The following DHX37 variants were observed in gnomAD, a reference collection of about 807,000 sequenced individuals.
DHX37 encodes DEAH-box helicase 37, also known as probable ATP-dependent RNA helicase DHX37.
DHX37 carries 52 observed loss-of-function variants against 134.3 expected under a neutral mutation model. The observed-to-expected ratio is 0.39, with a 90% CI of 0.31 to 0.49. The LOEUF is 0.49. Ranked by LOEUF, DHX37 falls within the 20% of genes least tolerant of loss-of-function variation. The pLI is 0.93. For missense variants in DHX37, 1,344 were observed against 1,580.8 expected (o/e 0.85, Z 2.54); for synonymous variants, 634 against 670.7 (o/e 0.95, Z 0.85).
chr12:124,979,763 A>T (rs1419121038), intron 4 of DHX37, among the ~76,000 whole-genome samples: 1 of 152,168 alleles, frequency 6.6e-6, no homozygotes, highest in Non-Finnish European at 1.5e-5. Context: ...GCAGAACCCC[A>T]CACCCTCCTT....
At chr12:124,968,744 T>C in intron 9 of DHX37, 96 bp from the exon 10 acceptor site, 5 of 1,601,696 alleles carry the variant, frequency 3.1e-6, no homozygotes, top group Non-Finnish European at 3.4e-6. Flanking sequence ...TCAAGGTTTC[T>C]AACACCCCCT....
chr12:124,964,910 C>T lies in DHX37; in HGVS notation c.1812+20G>A, dbSNP rs781435468. ...CCTTAAAAGTGCCCCAAAAGCTGGG[C>T]ACCGGCCCAGCACGGTTACCTGTGC... On this transcript the variant is annotated intron_variant, in intron 14 of 26. Transcript: ENST00000308736. The T allele has an allele frequency of 1.3e-6, 2 of 1,575,440 alleles. No individual in the cohort carries two copies. Among genetic ancestry groups the T allele is most frequent in the Non-Finnish European group, 8.6e-7 (1 of 1,160,818 alleles).
Position 124,957,034 on chromosome 12 carries a change from T to G in DHX37, c.2259A>C (p.Ala753=). The part of the protein sequence containing the change: ...ALGALQPPQK[A]ERVKQLQENR... The stretch of plus-strand genomic sequence containing the variant: ...TCTGCATCTCTTGGCCTTACCTTTC[T>G]GCTTTCTGGGGCGGTTGCAGGGCAC... The change falls in exon 17 of 27, where the codon GCA becomes GCC. Residue 753 remains alanine (A), a synonymous_variant. Transcript: ENST00000308736. 2 of 1,515,478 alleles carry G rather than the reference T, an allele frequency of 1.3e-6. No homozygotes were observed. The highest frequency in any genetic ancestry group is 1.8e-6 in the Non-Finnish European group (2 of 1,135,510). 93.9% of individuals were successfully genotyped at this position (1,515,478 alleles called of 1,614,324 possible).
rs1320673240 is a variant in DHX37, at chr12:124,947,838, A to G, written c.3438T>C (p.Asp1146=). The G allele has an allele frequency of 2.5e-6, 4 of 1,604,334 alleles. No homozygotes were observed. Among genetic ancestry groups the G allele is most frequent in the East Asian group, 2.2e-5 (1 of 44,788 alleles). The change falls in exon 27 of 27, where the codon GAT becomes GAC. Residue 1146 remains aspartate, a synonymous_variant. Coordinates refer to ENST00000308736, the MANE Select transcript of DHX37 (RefSeq NM_032656.4). ...CEWLPQAMHP[D]IEKAWPPTTV... is the part of the protein sequence containing the mutation. ...TGGTGGGGGGCCAGGCTTTCTCGAT[A>G]TCGGGGTGCATGGCCTGTGGAAGCC...
At position 124,949,153 on chromosome 12, in the gene DHX37, G is replaced by A. The variant is rs374843815; in HGVS notation, c.3290+833C>T. Among the ~76,000 whole-genome samples the A allele has an allele frequency of 7.2e-5, 11 of 152,202 alleles. No individual in the cohort carries two copies. The highest frequency in any genetic ancestry group is 1.5e-4 in the Non-Finnish European group (10 of 68,046). On this transcript the variant is annotated intron_variant, in intron 25 of 26. Transcript: ENST00000308736. The surrounding 1 kb of genome is among the most constrained non-coding windows in gnomAD (Gnocchi z 4.0). ...GCAACGCTGCTGTGGGACAGAGATCGTGTCTGTATCCCAGCCCCGAGAACA... is the reference window on the plus strand; with the variant it reads ...GCAACGCTGCTGTGGGACAGAGATCATGTCTGTATCCCAGCCCCGAGAACA...
At chr12:124,967,279 A>C (rs1334956587) in intron 10 of DHX37, 61 bp from the exon 11 acceptor site, 2 of 1,557,956 alleles carry the variant, frequency 1.3e-6, no homozygotes, top group Admixed American at 3.7e-5. Flanking sequence ...TGCTTAGCAA[A>C]AGCACCTGCC....
chr12:124,954,003 A>G lies in DHX37; in HGVS notation c.2579-7T>C, dbSNP rs4606565. ...TCACAGGCTCCCACGGCGCCTGGGG[A>G]ACGAAGAGGGGGCATGCTCTCTCTC... On this transcript the variant is annotated splice_region_variant and splice_polypyrimidine_tract_variant and intron_variant, in intron 19 of 26. Transcript: ENST00000308736. The G allele has an allele frequency of 0.6, 975,160 of 1,613,218 alleles. 299,320 individuals carry two copies. The highest frequency in any genetic ancestry group is 0.83 in the East Asian group (37,302 of 44,840).
At chr12:124,975,816 A>C (rs908759289) in intron 5 of DHX37, among the ~76,000 whole-genome samples, 9 of 152,178 alleles carry the variant, frequency 5.9e-5, no homozygotes, top group Non-Finnish European at 1.2e-4. Flanking sequence ...CAGACACAGG[A>C]ACCCGCCAAG....
chr12:124,985,295 A>G (rs1954844051), intron 2 of DHX37, among the ~76,000 whole-genome samples: 1 of 152,190 alleles, frequency 6.6e-6, no homozygotes, highest in African/African-American at 2.4e-5. Flanking sequence ...CAGTGGAGAT[A>G]ATCCAAGATT....
At chr12:124,987,250 C>T (rs930971792) in intron 1 of DHX37, among the ~76,000 whole-genome samples, 18 of 152,078 alleles carry the variant, frequency 1.2e-4, no homozygotes, top group African/African-American at 4.1e-4. Flanking sequence ...GGCTGAGGCA[C>T]GAGAACTGCT....
intron 12 of DHX37, among the ~76,000 whole-genome samples, chr12:124,966,321 G>T (rs1954386615): frequency 6.6e-6 from 1 of 152,184 alleles, no homozygotes; most frequent in Non-Finnish European, 1.5e-5. Context: ...ACCTGCCTCA[G>T]TCTCCCAAAG....
In DHX37 at chr12:124,950,231, C is replaced by T; in HGVS notation, c.3134G>A (p.Trp1045Ter). Residue 1045 changes from tryptophan (W) to a stop codon, truncating the protein, a stop_gained, in exon 24 of 27, where the codon TGG becomes TAG. Coordinates refer to ENST00000308736, the MANE Select transcript of DHX37 (RefSeq NM_032656.4). LOFTEE classifies it high-confidence loss of function. The part of the protein sequence containing the change: ...HRASVFYRVG[W>*]PLPAIEVDFP... ...ATCCACCTCGATGGCGGGGAGCGGCCAGCCCACGCGATCTAGAAGGTGGGA... is the reference window on the plus strand; with the variant it reads ...ATCCACCTCGATGGCGGGGAGCGGCTAGCCCACGCGATCTAGAAGGTGGGA... 6.2e-7 allele frequency: 1 copy of T among 1,613,738 alleles called. No homozygotes were observed. Among genetic ancestry groups the T allele is most frequent in the Non-Finnish European group, 8.5e-7 (1 of 1,180,026 alleles).
chr12:124,957,173 G>A, intron 16 of DHX37, 38 bp from the exon 17 acceptor site: 1 of 1,464,002 alleles, frequency 6.8e-7, no homozygotes, highest in Middle Eastern at 1.8e-4. Context: ...CAGGGTGAAT[G>A]CCAAGAACAA....
rs199731932 is a variant in DHX37 at position 124,954,174 on chromosome 12, T to C, written c.2491A>G (p.Ser831Gly). Residue 831 changes from serine to glycine, a missense_variant, in exon 19 of 27, where the codon AGC becomes GGC. Around this residue, in one of 7 missense-constraint regions of DHX37, gnomAD observed 558 missense variants for 650.0 expected, o/e 0.86. Coordinates refer to ENST00000308736, the MANE Select transcript of DHX37 (RefSeq NM_032656.4). The part of the protein sequence containing the change: ...ASDEELTRLK[S>G]KRARVAQMKR... Reference sequence around the variant, plus strand: ...ATCTGGGCCACCCGGGCCCGCTTGCTCTTCAGCCTGGTGAGCTCCTCGTCA... The same window carrying C: ...ATCTGGGCCACCCGGGCCCGCTTGCCCTTCAGCCTGGTGAGCTCCTCGTCA... The C allele has an allele frequency of 1.2e-6, 2 of 1,611,270 alleles. No individual in the cohort carries two copies. Among genetic ancestry groups the C allele is most frequent in the East Asian group, 2.2e-5 (1 of 44,856 alleles).
chr12:124,964,751 T>G (rs913077565), intron 14 of DHX37, 125 bp from the exon 15 acceptor site: 10 of 1,495,554 alleles, frequency 6.7e-6, no homozygotes, highest in African/African-American at 2.8e-5. Flanking sequence ...AGCCATCCCA[T>G]CTGGGGCCCA....
intron 14 of DHX37, 82 bp from the exon 15 acceptor site, chr12:124,964,708 C>A: frequency 2.6e-6 from 4 of 1,565,386 alleles, no homozygotes; most frequent in South Asian, 2.3e-5. Context: ...ACAAAGCCAG[C>A]CAGGCTGGTG....
rs568796262 is a variant in DHX37, at chr12:124,968,807, C to G, written c.1293+60G>C. On this transcript the variant is annotated intron_variant, in intron 9 of 26. Transcript: ENST00000308736. ...CCAAGTGAGGTCTCTCAGGGGGCTC[C>G]CGACACCAGGGCGTCCTTGTGCCAT... The G allele has an allele frequency of 1.4e-5, 22 of 1,606,006 alleles. No individual in the cohort carries two copies. In the African/African-American group the frequency reaches 2.3e-4, roughly 17 times the overall value.
At chr12:124,953,532 C>T in intron 20 of DHX37, 1 of 289,108 alleles carries the variant, frequency 3.5e-6, no homozygotes, top group Non-Finnish European at 6.7e-6. Flanking sequence ...GGCAAGGCCT[C>T]ATCCTTCTGC....
chr12:124,956,561 T>C, intron 18 of DHX37, 130 bp downstream of exon 18: 1 of 1,163,296 alleles, frequency 8.6e-7, no homozygotes, highest in South Asian at 1.9e-5. Flanking sequence ...CAATCTCAGC[T>C]CACTGCAACC....
Sources: gnomAD v4.1 joint callset for allele counts (sites outside exome capture counted in the v4.1 genomes callset) on GRCh38, gnomAD v4.1.1 for gene constraint, gnomAD v4.1.1 regional missense constraint, Gnocchi (gnomAD v3.1) non-coding constraint, MANE v1.5 for transcripts, NCBI Gene and HGNC (gene_info 2026-07-23, HGNC 2026-07-21) for gene names.